HSDL2: variants seen among roughly 807,000 people sequenced by gnomAD.
The protein encoded by HSDL2 is hydroxysteroid dehydrogenase-like protein 2.
HSDL2 carries 27 observed loss-of-function variants against 46.3 expected under a neutral mutation model. That is an observed-to-expected ratio of 0.58 (90% confidence interval 0.43 to 0.80). HSDL2 has a LOEUF of 0.80. Among genes scored for constraint, HSDL2 ranks in the 30% least tolerant of loss-of-function variants. The pLI, the probability that HSDL2 is intolerant of heterozygous loss-of-function variation, is 0.00. For synonymous variants in HSDL2, 153 were observed against 163.6 expected (o/e 0.94, Z 0.50); for missense variants, 451 against 502.7 (o/e 0.90, Z 0.98).
intron 9 of HSDL2, among the ~76,000 whole-genome samples, chr9:112,459,145 T>TCTA (rs1833127750): frequency 6.6e-6 from 1 of 152,198 alleles, no homozygotes; most frequent in African/African-American, 2.4e-5. Flanking sequence ...AAACCACTGT[T>TCTA]CTACTTTCTG....
chr9:112,383,698 C>G (rs1831155621), intron 1 of HSDL2, among the ~76,000 whole-genome samples: 1 of 152,142 alleles, frequency 6.6e-6, no homozygotes, highest in Non-Finnish European at 1.5e-5. Context: ...CAGTACCAGA[C>G]TGTTTACTTA....
intron 4 of HSDL2, chr9:112,413,896 G>A (rs1303528976): frequency 6.1e-6 from 1 of 164,816 alleles, no homozygotes; most frequent in East Asian, 1.8e-4. Context: ...CTACTGCTGT[G>A]TCCGGTTTCC....
intron 1 of HSDL2, among the ~76,000 whole-genome samples, chr9:112,394,848 T>G (rs963472110): frequency 1.3e-5 from 2 of 152,148 alleles, no homozygotes; most frequent in Non-Finnish European, 2.9e-5. Context: ...GGGGCAATGG[T>G]CATCTGTAGC....
chr9:112,448,610 AT>A (rs1832803100), intron 8 of HSDL2, among the ~76,000 whole-genome samples: 1 of 151,580 alleles, frequency 6.6e-6, no homozygotes, highest in Non-Finnish European at 1.5e-5. Flanking sequence ...GTGCAGCGGC[AT>A]TTTCTTCTTG....
At chr9:112,432,029 G>A (rs1439489136) in intron 6 of HSDL2, among the ~76,000 whole-genome samples, 3 of 151,978 alleles carry the variant, frequency 2.0e-5, no homozygotes, top group Non-Finnish European at 4.4e-5. Flanking sequence ...ACAGGCGTGC[G>A]CCACCACACC....
chr9:112,459,420 C>T (rs924785425), intron 9 of HSDL2, 29 bp from the exon 10 acceptor site: 1 of 1,608,212 alleles, frequency 6.2e-7, no homozygotes, highest in Non-Finnish European at 8.5e-7. Flanking sequence ...GCTTCTATGA[C>T]ATTGATTTCT....
intron 10 of HSDL2, among the ~76,000 whole-genome samples, chr9:112,461,790 T>C (rs1587970812): frequency 6.6e-6 from 1 of 152,248 alleles, no homozygotes; most frequent in South Asian, 2.1e-4. Context: ...TTCATTATTA[T>C]GCTAGTCTGC....
At chr9:112,424,822 A>G (rs141772066) in intron 6 of HSDL2, among the ~76,000 whole-genome samples, 1 of 151,358 alleles carries the variant, frequency 6.6e-6, no homozygotes, top group Non-Finnish European at 1.5e-5. Flanking sequence ...TATTTTTTCA[A>G]TATATTTTCT....
At chr9:112,431,051 C>CAA (rs57414181) in intron 6 of HSDL2, among the ~76,000 whole-genome samples, 5 of 95,640 alleles carry the variant, frequency 5.2e-5, no homozygotes, top group East Asian at 2.9e-4. Context: ...GATTCCAACT[C>CAA]AAAAAAAAAA....
At chr9:112,431,722 G>A (rs141574164) in intron 6 of HSDL2, among the ~76,000 whole-genome samples, 5 of 152,146 alleles carry the variant, frequency 3.3e-5, no homozygotes, top group African/African-American at 9.6e-5. Context: ...GCCATGTGAC[G>A]TGCCTGCTCC....
Position 112,388,954 on chromosome 9 carries a change from G to A in HSDL2, c.17+8774G>A, listed in dbSNP as rs147393802. 7.3e-4 allele frequency among the ~76,000 whole-genome samples: 111 copies of A among 152,052 alleles called. No homozygotes were observed. The East Asian group carries it at 0.018, about 25-fold the overall frequency. ...AAAAAATGCTCTAAAGGGCATTATT[G>A]AGTCAATTGACAAAATTAAAATACT... On this transcript the variant is annotated intron_variant, in intron 1 of 10. Coordinates refer to ENST00000398805, the MANE Select transcript of HSDL2 (RefSeq NM_032303.5).
rs879711624 is a variant in HSDL2 at position 112,421,572 on chromosome 9, G to GT, written c.598+2622dup. On this transcript the variant is annotated intron_variant, in intron 6 of 10. Coordinates refer to ENST00000398805, the MANE Select transcript of HSDL2 (RefSeq NM_032303.5). ...TTACATTTAAAAAAAAATTTTTGTA[G>GT]TTTTTTTTAGTGGAAAGGGGGTTTA... 5.9e-5 allele frequency among the ~76,000 whole-genome samples: 9 copies of GT among 151,892 alleles called. No homozygotes were observed. In the South Asian group the frequency reaches 1.9e-3, roughly 32 times the overall value.
At chr9:112,442,962 C>T (rs918192856) in intron 8 of HSDL2, among the ~76,000 whole-genome samples, 1 of 151,790 alleles carries the variant, frequency 6.6e-6, no homozygotes, top group Non-Finnish European at 1.5e-5. Context: ...GTATTACAGA[C>T]AATTTAAAAC....
rs1831579041 is a variant in HSDL2, at chr9:112,401,027, C to CT, written c.18-2968_18-2967insT. On this transcript the variant is annotated intron_variant, in intron 1 of 10. Transcript: ENST00000398805. ...TTGGGGGACACAATTCAATCAATAA[C>CT]AGGGAGATAAGGCCGGGGTTATCTT... Among the ~76,000 whole-genome samples the CT allele has an allele frequency of 2.0e-5, 3 of 152,202 alleles. No individual in the cohort carries two copies. The South Asian group carries it at 6.2e-4, about 31-fold the overall frequency.
At chr9:112,395,260 A>G (rs1382083434) in intron 1 of HSDL2, among the ~76,000 whole-genome samples, 1 of 152,144 alleles carries the variant, frequency 6.6e-6, no homozygotes, top group Non-Finnish European at 1.5e-5. Flanking sequence ...GTCGGCACAG[A>G]TCTCACCAGG....
intron 1 of HSDL2, among the ~76,000 whole-genome samples, chr9:112,382,566 ATGGAGATGCTAATG>A (rs751773706): frequency 7.2e-5 from 11 of 152,258 alleles, no homozygotes; most frequent in Non-Finnish European, 1.3e-4. Flanking sequence ...TCACAATTGA[ATGGAGATGCTAATG>A]GCATCTCGTG....
intron 6 of HSDL2, among the ~76,000 whole-genome samples, chr9:112,421,930 C>T (rs1832133458): frequency 6.6e-6 from 1 of 152,132 alleles, no homozygotes; most frequent in African/African-American, 2.4e-5. Flanking sequence ...AGACTGTTCT[C>T]TCTGAGCTAG....
At chr9:112,406,892 T>A (rs780854849) in intron 3 of HSDL2, among the ~76,000 whole-genome samples, 9 of 152,194 alleles carry the variant, frequency 5.9e-5, no homozygotes, top group Non-Finnish European at 1.3e-4. Context: ...AGCTAAGGCT[T>A]TCATGGTATT....
At chr9:112,398,412 T>C (rs1186353309) in intron 1 of HSDL2, among the ~76,000 whole-genome samples, 1 of 151,952 alleles carries the variant, frequency 6.6e-6, no homozygotes, top group Non-Finnish European at 1.5e-5. Flanking sequence ...GATATGGTCC[T>C]GGGCTGTCCA....
Sources: allele counts gnomAD v4.1 joint callset (sites outside exome capture counted in the v4.1 genomes callset), GRCh38; gene constraint gnomAD v4.1.1; transcripts MANE v1.5; gene names NCBI Gene and HGNC (gene_info 2026-07-23, HGNC 2026-07-21).